The following MCPH1 variants were observed in gnomAD, a reference collection of about 807,000 sequenced individuals.
MCPH1 encodes the protein microcephalin.
MCPH1 carries 104 observed loss-of-function variants against 84.5 expected under a neutral mutation model. That is an observed-to-expected ratio of 1.23 (90% CI 1.05 to 1.45). MCPH1 has a LOEUF of 1.45. Ranked by LOEUF, MCPH1 falls within the 40% of genes most tolerant of loss-of-function variation. The pLI is 0.00. For synonymous variants in MCPH1, 514 were observed against 366.8 expected (o/e 1.40, Z -4.58); for missense variants, 1,498 against 1,005.7 (o/e 1.49, Z -6.62).
At chr8:6,411,836 C>T (rs1421104424) in intron 2 of MCPH1, among the ~76,000 whole-genome samples, 1 of 152,086 alleles carries the variant, frequency 6.6e-6, no homozygotes, top group Non-Finnish European at 1.5e-5. Context: ...GGGCGGGACG[C>T]GGGCATGTCT....
intron 4 of MCPH1, among the ~76,000 whole-genome samples, chr8:6,432,695 C>T (rs990413390): frequency 8.5e-5 from 13 of 152,174 alleles, no homozygotes; most frequent in Admixed American, 2.0e-4. Flanking sequence ...TTTCACATTT[C>T]CTGAAAATAG....
intron 12 of MCPH1, chr8:6,620,114 T>C (rs566200316): frequency 6.6e-6 from 1 of 152,310 alleles, no homozygotes; most frequent in Non-Finnish European, 1.5e-5. Flanking sequence ...TCTCGCAGGA[T>C]ATAGTGCCAA....
rs13250392 is a variant in MCPH1, at chr8:6,623,017, T to C, written c.2452+1326T>C. The stretch of plus-strand genomic sequence containing the variant: ...CACGATGCCCAGCTTTACTTTCTTT[T>C]TTTTTTTTTTTTTTTTGTAGAGATG... On this transcript the variant is annotated intron_variant, in intron 13 of 13. Coordinates refer to ENST00000344683, the MANE Select transcript of MCPH1 (RefSeq NM_024596.5). Among the ~76,000 whole-genome samples the C allele has an allele frequency of 8.9e-4, 114 of 128,138 alleles. 2 individuals carry two copies. In the East Asian group the frequency reaches 9.1e-3, roughly 10 times the overall value. 84.1% of individuals were successfully genotyped at this position (128,138 alleles called of 152,430 possible).
intron 10 of MCPH1, 98 bp downstream of exon 10, chr8:6,477,729 C>G (rs1437448826): frequency 1.1e-6 from 1 of 897,102 alleles, no homozygotes; most frequent in Non-Finnish European, 1.9e-6. Flanking sequence ...TCAATCTGTC[C>G]TGTATCACTT....
chr8:6,590,710 A>G (rs1025831168), intron 12 of MCPH1, among the ~76,000 whole-genome samples: 3 of 152,254 alleles, frequency 2.0e-5, no homozygotes, highest in African/African-American at 7.2e-5. Flanking sequence ...GTTTATTGCC[A>G]TCTGCTAACT....
rs964932377 is a variant in MCPH1 at position 6,409,180 on chromosome 8, C to G, written c.23-99C>G. ...GGATTACAGGCGTGAGCCACTGTGCCGGCCTCGGTTTACTCTTAAATGTAA... is the reference window on the plus strand; with the variant it reads ...GGATTACAGGCGTGAGCCACTGTGCGGGCCTCGGTTTACTCTTAAATGTAA... On this transcript the variant is annotated intron_variant, in intron 1 of 13. Coordinates refer to ENST00000344683, the MANE Select transcript of MCPH1 (RefSeq NM_024596.5). 3 of 1,009,866 alleles carry G rather than the reference C, an allele frequency of 3.0e-6. No individual in the cohort carries two copies. The East Asian group carries it at 7.5e-5, about 25-fold the overall frequency. The allele number at this position is 1,009,866 out of a possible 1,614,324, so 62.6% of individuals were successfully genotyped here.
At chr8:6,631,862 G>T (rs879155772) in intron 13 of MCPH1, among the ~76,000 whole-genome samples, 1 of 152,156 alleles carries the variant, frequency 6.6e-6, no homozygotes, top group Non-Finnish European at 1.5e-5. Context: ...TTGAAAGCAG[G>T]ATCTCAAAAG....
intron 12 of MCPH1, among the ~76,000 whole-genome samples, chr8:6,546,546 T>A (rs183906335): frequency 1.6e-3 from 238 of 152,088 alleles, no homozygotes; most frequent in Admixed American, 2.6e-3. Flanking sequence ...GATCTTTTTT[T>A]AAAACTCAAT....
rs1363029263 is a variant in MCPH1 at position 6,477,639 on chromosome 8, C to G, written c.1973+8C>G. 1 of 1,610,732 alleles carries G rather than the reference C, an allele frequency of 6.2e-7. No individual in the cohort carries two copies. Among genetic ancestry groups the G allele is most frequent in the Non-Finnish European group, 8.5e-7 (1 of 1,177,274 alleles). On this transcript the variant is annotated splice_region_variant and intron_variant, in intron 10 of 13. Coordinates refer to ENST00000344683, the MANE Select transcript of MCPH1 (RefSeq NM_024596.5). The stretch of plus-strand genomic sequence containing the variant: ...GACAAGCATGCCATCTGAGTAAGTA[C>G]TTGTTTTGATTTCTGTTCAATGTAA...
intron 11 of MCPH1, among the ~76,000 whole-genome samples, chr8:6,485,103 G>A (rs547384247): frequency 3.8e-4 from 58 of 152,254 alleles, no homozygotes; most frequent in African/African-American, 1.3e-3. Context: ...GAGGCGTGTG[G>A]ATCACGAGGT....
chr8:6,425,860 G>C (rs1390451743), intron 3 of MCPH1, among the ~76,000 whole-genome samples: 1 of 152,144 alleles, frequency 6.6e-6, no homozygotes. Flanking sequence ...TGATGGTGGT[G>C]ATTTTAATAC....
At chr8:6,634,594 C>A (rs371328365) in intron 13 of MCPH1, among the ~76,000 whole-genome samples, 53 of 152,326 alleles carry the variant, frequency 3.5e-4, no homozygotes, top group Middle Eastern at 6.8e-3. Context: ...AAATTTCTTA[C>A]CAGTCCATTA....
chr8:6,426,316 C>T (rs1324414987), intron 3 of MCPH1, among the ~76,000 whole-genome samples: 1 of 152,218 alleles, frequency 6.6e-6, no homozygotes, highest in Non-Finnish European at 1.5e-5. Context: ...ACCCCAAAAT[C>T]TCCTTCGTGT....
In MCPH1 at chr8:6,436,047, G is replaced by T; in HGVS notation, c.322-1G>T. On this transcript the variant is annotated splice_acceptor_variant, in intron 4 of 13. Transcript: ENST00000344683. LOFTEE classifies it high-confidence loss of function. Reference sequence around the variant, plus strand: ...TTAATTTTTGTGTTCTTTTTGCACAGCGTAAATGTATGCAGCCCAAAGATT... The same window carrying T: ...TTAATTTTTGTGTTCTTTTTGCACATCGTAAATGTATGCAGCCCAAAGATT... The T allele has an allele frequency of 6.2e-7, 1 of 1,613,434 alleles. No homozygotes were observed. Among genetic ancestry groups the T allele is most frequent in the African/African-American group, 1.3e-5 (1 of 75,014 alleles).
At chr8:6,637,021 A>G (rs1269305201) in intron 13 of MCPH1, among the ~76,000 whole-genome samples, 2 of 152,228 alleles carry the variant, frequency 1.3e-5, no homozygotes, top group Admixed American at 6.5e-5. Flanking sequence ...CAAATATCAG[A>G]GCAGAAAGAA....
At chr8:6,562,835 A>G (rs775901783) in intron 12 of MCPH1, 12 of 1,613,600 alleles carry the variant, frequency 7.4e-6, no homozygotes, top group East Asian at 6.7e-5. Context: ...TGGACCTGAT[A>G]TTGCTTCTTT....
intron 12 of MCPH1, among the ~76,000 whole-genome samples, chr8:6,537,617 A>G (rs186929586): frequency 7.3e-5 from 11 of 151,504 alleles, no homozygotes; most frequent in Admixed American, 7.2e-4. Flanking sequence ...GTTTTTTATT[A>G]CTCCCACAAC....
At chr8:6,588,826 C>T (rs190724424) in intron 12 of MCPH1, among the ~76,000 whole-genome samples, 55 of 152,378 alleles carry the variant, frequency 3.6e-4, no homozygotes, top group Admixed American at 1.6e-3. Context: ...CAGGTCACTG[C>T]AGTGTCTGCC....
chr8:6,435,393 G>C (rs1343157398), intron 4 of MCPH1, among the ~76,000 whole-genome samples: 1 of 152,084 alleles, frequency 6.6e-6, no homozygotes, highest in African/African-American at 2.4e-5. Flanking sequence ...TCTCAAATCC[G>C]CCTCCCTGAG....
Sources: gnomAD v4.1 joint callset for allele counts (sites outside exome capture counted in the v4.1 genomes callset) on GRCh38, gnomAD v4.1.1 for gene constraint, MANE v1.5 for transcripts, NCBI Gene and HGNC (gene_info 2026-07-23, HGNC 2026-07-21) for gene names.